ADAP1: variants seen among roughly 807,000 people sequenced by gnomAD.
The protein encoded by ADAP1 is ArfGAP with dual PH domains 1.
ADAP1 carries 31 observed loss-of-function variants against 54.9 expected under a neutral mutation model. The ratio of observed to expected loss-of-function variants is 0.56; its 90% CI spans 0.42 to 0.76. The LOEUF (loss-of-function observed/expected upper bound fraction) is 0.76, where lower values mean the gene tolerates loss of function less well. Ranked by LOEUF, ADAP1 falls within the 30% of genes least tolerant of loss-of-function variation. The pLI is 0.00. For synonymous variants in ADAP1, 313 were observed against 202.6 expected (o/e 1.55, Z -4.63); for missense variants, 535 against 512.4 (o/e 1.04, Z -0.42).
intron 4 of ADAP1, among the ~76,000 whole-genome samples, chr7:907,119 C>T (rs1004771112): frequency 3.3e-5 from 5 of 152,140 alleles, no homozygotes; most frequent in Non-Finnish European, 7.4e-5. Context: ...TTCAGGAAAG[C>T]TCATCTGAGG....
intron 4 of ADAP1, among the ~76,000 whole-genome samples, chr7:916,780 G>C (rs1440792617): frequency 6.6e-6 from 1 of 151,956 alleles, no homozygotes; most frequent in Admixed American, 6.6e-5. Flanking sequence ...CTGCCCTGGA[G>C]GAGGGCAGAG....
intron 1 of ADAP1, 73 bp downstream of exon 1, chr7:954,322 CA>C: frequency 7.0e-6 from 7 of 995,618 alleles, no homozygotes; most frequent in South Asian, 4.5e-5. Flanking sequence ...CCCCGGGGCC[CA>C]CCCAGGACCC....
At chr7:924,124 G>GT (rs1430757539) in intron 3 of ADAP1, among the ~76,000 whole-genome samples, 5 of 33,224 alleles carry the variant, frequency 1.5e-4, no homozygotes, top group East Asian at 7.0e-4. Flanking sequence ...GGTCCACGCT[G>GT]CACCCCCCGC....
intron 4 of ADAP1, among the ~76,000 whole-genome samples, chr7:915,413 T>C (rs1343745878): frequency 6.6e-6 from 1 of 152,210 alleles, no homozygotes; most frequent in Non-Finnish European, 1.5e-5. Context: ...AGCCTGGTGC[T>C]GCGGACGTGG....
At chr7:925,893 G>T (rs1419100389) in intron 3 of ADAP1, among the ~76,000 whole-genome samples, 1 of 152,216 alleles carries the variant, frequency 6.6e-6, no homozygotes. Flanking sequence ...GGAAGCATGG[G>T]GGGCCGGGAG....
In ADAP1 at chr7:900,621, G is replaced by GGGCAAAGGCAGGCAAAGGCA. The variant is rs113839920; in HGVS notation, c.649-6_649-5insTGCCTTTGCCTGCCTTTGCC. ...ATTGAACCAGTCCACAATCTCCTAG[G>GGGCAAAGGCAGGCAAAGGCA]GGCAAAGGTGGGCACAGGCTTGGGC... is the stretch of plus-strand genomic sequence containing the variant. On this transcript the variant is annotated splice_polypyrimidine_tract_variant and splice_region_variant and intron_variant, in intron 6 of 10. Coordinates refer to ENST00000265846, the MANE Select transcript of ADAP1 (RefSeq NM_006869.4). 1,333 of 1,587,334 alleles carry GGGCAAAGGCAGGCAAAGGCA rather than the reference G, an allele frequency of 8.4e-4. 13 individuals are homozygous for GGGCAAAGGCAGGCAAAGGCA. Among genetic ancestry groups the GGGCAAAGGCAGGCAAAGGCA allele is most frequent in the South Asian group, 7.9e-3 (710 of 89,450 alleles).
In ADAP1 at chr7:937,177, GACCTCT is replaced by G. The variant is rs1455269488; in HGVS notation, c.83-1678_83-1673del. 2.3e-4 allele frequency among the ~76,000 whole-genome samples: 23 copies of G among 101,234 alleles called. 5 individuals carry two copies. Among genetic ancestry groups the G allele is most frequent in the Admixed American group, 5.6e-4 (6 of 10,732 alleles). 66.4% of individuals were successfully genotyped at this position (101,234 alleles called of 152,430 possible). ...CCTCTGGGATTTGGGGGTCACGCCC[GACCTCT>G]GGGATTTGGGGGTCACGCCCGACCT... On this transcript the variant is annotated intron_variant, in intron 1 of 10. Coordinates refer to ENST00000265846, the MANE Select transcript of ADAP1 (RefSeq NM_006869.4).
At chr7:947,244 T>TG (rs1227639271) in intron 1 of ADAP1, among the ~76,000 whole-genome samples, 1 of 125,208 alleles carries the variant, frequency 8.0e-6, no homozygotes, top group Non-Finnish European at 1.6e-5. Flanking sequence ...TTTTTAGAGA[T>TG]GGGGGTCTCA....
chr7:935,605 G>T, intron 1 of ADAP1, 100 bp from the exon 2 acceptor site: 1 of 1,455,752 alleles, frequency 6.9e-7, no homozygotes, highest in Non-Finnish European at 9.2e-7. Flanking sequence ...ATGCAGTGGG[G>T]GGGGCTTCAG....
chr7:912,561 C>G (rs188372279), intron 4 of ADAP1, among the ~76,000 whole-genome samples: 1 of 152,210 alleles, frequency 6.6e-6, no homozygotes, highest in Non-Finnish European at 1.5e-5. Context: ...CCTTCCGCTA[C>G]GCACCGACAC....
intron 3 of ADAP1, among the ~76,000 whole-genome samples, chr7:921,797 C>T (rs1410963147): frequency 6.6e-6 from 1 of 152,214 alleles, no homozygotes; most frequent in Non-Finnish European, 1.5e-5. Flanking sequence ...CACGGGAGGA[C>T]CGAAGGCCGC....
At position 900,558 on chromosome 7, in the gene ADAP1, G is replaced by A; in HGVS notation, c.707C>T (p.Ala236Val). ...RAARFHYLQV[A>V]FPGAGDADLV... Reference sequence around the variant, plus strand: ...ATCTGCGTCGCCGGCCCCTGGGAATGCCACCTGCAGGTAGTGGAAGCGAGC... The same window carrying A: ...ATCTGCGTCGCCGGCCCCTGGGAATACCACCTGCAGGTAGTGGAAGCGAGC... Residue 236 changes from alanine (A) to valine (V), a missense_variant, in exon 7 of 11, where the codon GCA becomes GTA. Transcript: ENST00000265846. The A allele has an allele frequency of 6.2e-7, 1 of 1,610,226 alleles. No homozygotes were observed. Among genetic ancestry groups the A allele is most frequent in the Non-Finnish European group, 8.5e-7 (1 of 1,178,838 alleles).
At chr7:941,832 G>C (rs1189288502) in intron 1 of ADAP1, among the ~76,000 whole-genome samples, 1 of 152,144 alleles carries the variant, frequency 6.6e-6, no homozygotes, top group Non-Finnish European at 1.5e-5. Context: ...ACCTAGAATA[G>C]CTAAAACAAC....
chr7:909,711 G>A (rs1845641497), intron 4 of ADAP1, among the ~76,000 whole-genome samples: 1 of 152,254 alleles, frequency 6.6e-6, no homozygotes, highest in Admixed American at 6.5e-5. Flanking sequence ...TGGACAGCCG[G>A]GTGGGCTGTG....
At chr7:902,602 T>C (rs1240058808) in intron 6 of ADAP1, among the ~76,000 whole-genome samples, 1 of 150,134 alleles carries the variant, frequency 6.7e-6, no homozygotes, top group African/African-American at 2.5e-5. Context: ...TCCCAGAAAG[T>C]AGAAGAAAAA....
At chr7:954,333 C>A (rs1847336817) in intron 1 of ADAP1, 63 bp downstream of exon 1, 3 of 1,005,200 alleles carry the variant, frequency 3.0e-6, no homozygotes, top group Non-Finnish European at 3.6e-6. Flanking sequence ...ACCCAGGACC[C>A]GCCCGGCACC....
intron 4 of ADAP1, among the ~76,000 whole-genome samples, chr7:917,559 G>C (rs1845986964): frequency 6.6e-6 from 1 of 152,162 alleles, no homozygotes; most frequent in Admixed American, 6.5e-5. Context: ...CCGCCTTCCA[G>C]GTTCAAGCGA....
At position 920,238 on chromosome 7, in the gene ADAP1, C is replaced by T. The variant is rs547168688; in HGVS notation, c.306-188G>A. On this transcript the variant is annotated intron_variant, in intron 3 of 10. Transcript: ENST00000265846. The surrounding 1 kb of genome is among the most constrained non-coding windows in gnomAD (Gnocchi z 4.5). Reference sequence around the variant, plus strand: ...AGCCTCCTGCCCGGGACGCTTCTCACTCTGATATTAGTTTATTGGTTTCTT... The same window carrying T: ...AGCCTCCTGCCCGGGACGCTTCTCATTCTGATATTAGTTTATTGGTTTCTT... Among the ~76,000 whole-genome samples, 11 of 152,252 alleles carry T rather than the reference C, an allele frequency of 7.2e-5. No homozygotes were observed. Among genetic ancestry groups the T allele is most frequent in the African/African-American group, 2.2e-4 (9 of 41,532 alleles).
rs1222249139 is a variant in ADAP1, at chr7:905,398, GA to G, written c.389-227del. 56 of 230,672 alleles carry G rather than the reference GA, an allele frequency of 2.4e-4. 10 individuals are homozygous for G. The highest frequency in any genetic ancestry group is 1.1e-3 in the East Asian group (12 of 10,566). 14.3% of individuals were successfully genotyped at this position (230,672 alleles called of 1,614,324 possible). The stretch of plus-strand genomic sequence containing the variant: ...AAAGGAGAAAGGAGAAAGGAGAAAG[GA>G]GAAAGGAGAAAGGGAGAAAGAGAAA... On this transcript the variant is annotated intron_variant, in intron 4 of 10. Coordinates refer to ENST00000265846, the MANE Select transcript of ADAP1 (RefSeq NM_006869.4).
Sources: gnomAD v4.1 joint callset for allele counts (sites outside exome capture counted in the v4.1 genomes callset) on GRCh38, gnomAD v4.1.1 for gene constraint, Gnocchi (gnomAD v3.1) non-coding constraint, MANE v1.5 for transcripts, NCBI Gene and HGNC (gene_info 2026-07-23, HGNC 2026-07-21) for gene names.